The following CNTFR variants were observed in gnomAD, a reference collection of about 807,000 sequenced individuals.
The protein encoded by CNTFR is ciliary neurotrophic factor receptor subunit alpha.
In CNTFR, 12 loss-of-function variants were observed where a neutral mutation model predicts 40.4. The observed-to-expected ratio is 0.30, with a 90% confidence interval of 0.19 to 0.48. CNTFR has a LOEUF of 0.48. Ranked by LOEUF, CNTFR falls within the 20% of genes least tolerant of loss-of-function variation. CNTFR has a pLI of 0.99. For missense variants in CNTFR, 414 were observed against 506.8 expected, an observed-to-expected ratio of 0.82 and a Z score of 1.76; for synonymous variants, 202 against 209.6, an observed-to-expected ratio of 0.96 and a Z score of 0.31.
chr9:34,563,693 T>A (rs1826163060), intron 4 of CNTFR, among the ~76,000 whole-genome samples: 1 of 152,186 alleles, frequency 6.6e-6, no homozygotes, highest in South Asian at 2.1e-4. Flanking sequence ...TTCCTCCAGC[T>A]GTCTTGACTC....
Position 34,551,760 on chromosome 9 carries a change from C to T in CNTFR, c.*311G>A. Reference sequence around the variant, plus strand: ...GAAATCGGATGTGAGAGGCTCCCCTCACGTCCCCCAAGGGCTCCTGGGAGT... The same window carrying T: ...GAAATCGGATGTGAGAGGCTCCCCTTACGTCCCCCAAGGGCTCCTGGGAGT... On this transcript the variant is annotated 3_prime_UTR_variant, in exon 10 of 10. Transcript: ENST00000378980. 1.8e-6 allele frequency: 1 copy of T among 567,044 alleles called. No homozygotes were observed. Among genetic ancestry groups the T allele is most frequent in the Admixed American group, 3.1e-5 (1 of 31,814 alleles). The allele number at this position is 567,044 out of a possible 1,614,324, so 35.1% of individuals were successfully genotyped here. A position where few individuals can be genotyped will look rare whatever the true frequency, so the allele number is the denominator to read the frequency against.
At position 34,564,663 on chromosome 9, in the gene CNTFR, G is replaced by A. The variant is rs1293307339; in HGVS notation, c.255C>T (p.Gly85=). 1 of 1,613,854 alleles carries A rather than the reference G, an allele frequency of 6.2e-7. No individual in the cohort carries two copies. The highest frequency in any genetic ancestry group is 8.5e-7 in the Non-Finnish European group (1 of 1,179,894). The part of the protein sequence containing the change: ...VLHGLELGHS[G]LYACFHRDSW... ...AGTCACGGTGGAAGCAGGCGTAGAG[G>A]CCACTGTGGCCCAGTTCCAGGCCAT... is the stretch of plus-strand genomic sequence containing the variant. Residue 85 remains glycine, a synonymous_variant, in exon 4 of 10, where the codon GGC becomes GGT. Coordinates refer to ENST00000378980, the MANE Select transcript of CNTFR (RefSeq NM_147164.3).
At chr9:34,575,997 GCA>G (rs1826942161) in intron 2 of CNTFR, among the ~76,000 whole-genome samples, 1 of 151,040 alleles carries the variant, frequency 6.6e-6, no homozygotes, top group Non-Finnish European at 1.5e-5. Context: ...GTGAGTACGT[GCA>G]CACACGTGCT....
intron 4 of CNTFR, among the ~76,000 whole-genome samples, chr9:34,559,064 C>G (rs1564060216): frequency 6.6e-6 from 1 of 152,176 alleles, no homozygotes; most frequent in South Asian, 2.1e-4. Context: ...GCTCCAGGGA[C>G]ACTGACACCT....
intron 2 of CNTFR, chr9:34,569,767 C>T (rs1257062950): frequency 6.6e-6 from 1 of 152,240 alleles, no homozygotes; most frequent in East Asian, 1.9e-4. Flanking sequence ...GTCAGGAACC[C>T]CGGCCCACCC....
In CNTFR at chr9:34,557,650, G is replaced by A. The variant is rs2132131350; in HGVS notation, c.480C>T (p.Leu160=). 3 of 1,614,210 alleles carry A rather than the reference G, an allele frequency of 1.9e-6. No individual in the cohort carries two copies. The highest frequency in any genetic ancestry group is 4.5e-5 in the East Asian group (2 of 44,886). The change falls in exon 6 of 10, where the codon CTC becomes CTT. Residue 160 remains leucine (L), a synonymous_variant. Coordinates refer to ENST00000378980, the MANE Select transcript of CNTFR (RefSeq NM_147164.3). The surrounding 1 kb of genome is among the most constrained non-coding windows in gnomAD (Gnocchi z 4.2). ...TGTAGCGAATGTGGCAGCGGTTCTT[G>A]AGGGCTGGGTCCTTCTCACAGACCA... ...KIMVCEKDPA[L]KNRCHIRYMH...
chr9:34,585,039 C>T (rs575863880), intron 1 of CNTFR, among the ~76,000 whole-genome samples: 1 of 152,338 alleles, frequency 6.6e-6, no homozygotes, highest in African/African-American at 2.4e-5. Flanking sequence ...CATGCCTCAA[C>T]ATTTATTGAG....
chr9:34,556,021 G>A (rs897936712), intron 7 of CNTFR, among the ~76,000 whole-genome samples: 4 of 149,396 alleles, frequency 2.7e-5, no homozygotes, highest in African/African-American at 5.0e-5. Context: ...CGACCCCAGG[G>A]AGCCACAGAA....
At chr9:34,565,980 T>A (rs930337575) in intron 3 of CNTFR, among the ~76,000 whole-genome samples, 5 of 152,144 alleles carry the variant, frequency 3.3e-5, no homozygotes, top group African/African-American at 1.2e-4. Context: ...TCGTTAACAC[T>A]CGCTTACATC....
chr9:34,568,775 G>C, intron 3 of CNTFR, 122 bp downstream of exon 3: 1 of 814,504 alleles, frequency 1.2e-6, no homozygotes, highest in Non-Finnish European at 2.0e-6. Context: ...GTCCCTCTGG[G>C]TGGTCATGTG....
chr9:34,556,163 A>G, intron 7 of CNTFR, 92 bp downstream of exon 7: 1 of 1,400,846 alleles, frequency 7.1e-7, no homozygotes, highest in Non-Finnish European at 9.9e-7. Context: ...CAGGTCTCAC[A>G]CTGGAGCTGC....
chr9:34,584,834 C>G (rs921779345), intron 1 of CNTFR, among the ~76,000 whole-genome samples: 17 of 152,224 alleles, frequency 1.1e-4, no homozygotes, highest in East Asian at 3.9e-4. Flanking sequence ...CCAGCCTCCT[C>G]TGGTCCAGAC....
rs1222584178 is a variant in CNTFR at position 34,557,723 on chromosome 9, C to G, written c.438-31G>C. 1.2e-6 allele frequency: 2 copies of G among 1,613,480 alleles called. No individual in the cohort carries two copies. Among genetic ancestry groups the G allele is most frequent in the Non-Finnish European group, 8.5e-7 (1 of 1,179,542 alleles). On this transcript the variant is annotated intron_variant, in intron 5 of 9. Transcript: ENST00000378980. The surrounding 1 kb of genome is among the most constrained non-coding windows in gnomAD (Gnocchi z 4.2). The stretch of plus-strand genomic sequence containing the variant: ...GAGAGGTGAGACCCAGGCACTGTTA[C>G]GAACATCAAGGGTCAGGTGGGGCAG...
intron 4 of CNTFR, among the ~76,000 whole-genome samples, chr9:34,559,464 G>C (rs1449310261): frequency 6.6e-6 from 1 of 152,220 alleles, no homozygotes; most frequent in South Asian, 2.1e-4. Flanking sequence ...GTCCAGCTGA[G>C]ACCCCACAGG....
Position 34,564,746 on chromosome 9 carries a change from G to T in CNTFR, c.172C>A (p.Arg58=), listed in dbSNP as rs767106678. ...GGGGCCAGGTCTGTCCCATTTACCC[G>T]CCACGTCACCGCAGCATCCCAGTTT... The part of the protein sequence containing the change: ...TANWDAAVTW[R]VNGTDLAPDL... Residue 58 remains arginine (R), a synonymous_variant, in exon 4 of 10, where the codon CGG becomes AGG. Transcript: ENST00000378980. The T allele has an allele frequency of 1.9e-6, 3 of 1,613,980 alleles. No individual in the cohort carries two copies. Among genetic ancestry groups the T allele is most frequent in the South Asian group, 1.1e-5 (1 of 91,072 alleles).
rs1480962915 is a variant in CNTFR, at chr9:34,552,129, C to T, written c.1118+32G>A. 4.4e-6 allele frequency: 7 copies of T among 1,593,448 alleles called. No homozygotes were observed. The highest frequency in any genetic ancestry group is 5.1e-6 in the Non-Finnish European group (6 of 1,170,278). ...GGGCTGGAGTGGGGGTTCCCTCAGG[C>T]TCCCTCTGCCACCCAGCCTCACTCA... On this transcript the variant is annotated intron_variant, in intron 9 of 9. Transcript: ENST00000378980. The surrounding 1 kb of genome is among the most constrained non-coding windows in gnomAD (Gnocchi z 5.1).
rs1430950332 is a variant in CNTFR at position 34,557,015 on chromosome 9, C to G, written c.604+511G>C. Among the ~76,000 whole-genome samples the G allele has an allele frequency of 6.8e-6, 1 of 147,434 alleles. No homozygotes were observed. The highest frequency in any genetic ancestry group is 2.5e-5 in the African/African-American group (1 of 39,730). Reference sequence around the variant, plus strand: ...GGTCTGGGGAGAAGACAGGGGCAGGCAGAAGGTCTGGCTGGGGCGGGGGAA... The same window carrying G: ...GGTCTGGGGAGAAGACAGGGGCAGGGAGAAGGTCTGGCTGGGGCGGGGGAA... On this transcript the variant is annotated intron_variant, in intron 6 of 9. Coordinates refer to ENST00000378980, the MANE Select transcript of CNTFR (RefSeq NM_147164.3). This position sits in a 1 kb window ranked among gnomAD's most constrained non-coding sequence, Gnocchi z 4.2.
At chr9:34,571,495 T>TA (rs1826638746) in intron 2 of CNTFR, 1 of 152,256 alleles carries the variant, frequency 6.6e-6, no homozygotes, top group South Asian at 2.1e-4. Context: ...GGGTGGCCTC[T>TA]ACTCCCAGCT....
rs578047061 is a variant in CNTFR, at chr9:34,568,882, C to T, written c.85+15G>A. ...CTGAGAGGGGGGTCAGCAGGCGGCT[C>T]CCGTGAGCACTCACCCTGTGGACTG... is the stretch of plus-strand genomic sequence containing the variant. On this transcript the variant is annotated intron_variant, in intron 3 of 9. Transcript: ENST00000378980. 3 of 1,572,426 alleles carry T rather than the reference C, an allele frequency of 1.9e-6. No individual in the cohort carries two copies. Among genetic ancestry groups the T allele is most frequent in the East Asian group, 2.4e-5 (1 of 42,182 alleles).
Sources: allele counts gnomAD v4.1 joint callset (sites outside exome capture counted in the v4.1 genomes callset), GRCh38; gene constraint gnomAD v4.1.1; non-coding constraint Gnocchi (gnomAD v3.1); transcripts MANE v1.5; gene names NCBI Gene and HGNC (gene_info 2026-07-23, HGNC 2026-07-21).